ACBD6: variants seen among roughly 807,000 people sequenced by gnomAD.
The protein encoded by ACBD6 is acyl-CoA binding domain containing 6, also known as acyl-CoA-binding domain-containing protein 6.
A neutral mutation model predicts 37.2 loss-of-function variants in ACBD6; 28 were observed. That is an observed-to-expected ratio of 0.75 (90% confidence interval 0.56 to 1.03). The LOEUF is 1.03. Ranked by LOEUF, ACBD6 falls within the 50% of genes least tolerant of loss-of-function variation. The pLI is 0.00. For synonymous variants in ACBD6, 113 were observed against 126.8 expected (o/e 0.89, Z 0.73); for missense variants, 340 against 337.4 (o/e 1.01, Z -0.06).
At chr1:180,351,582 G>T (rs796898102) in intron 6 of ACBD6, among the ~76,000 whole-genome samples, 3 of 96,990 alleles carry the variant, frequency 3.1e-5, no homozygotes, top group African/African-American at 1.1e-4. Context: ...CCGATATTAC[G>T]TTTTTTTTTT....
chr1:180,400,916 A>G (rs2877415), intron 5 of ACBD6, among the ~76,000 whole-genome samples: 19,015 of 152,164 alleles, frequency 0.12, 1,711 homozygotes, highest in East Asian at 0.36. Context: ...CATTAAAGCT[A>G]TATCTTCTAA....
chr1:180,478,794 T>C (rs1650900828), intron 3 of ACBD6, among the ~76,000 whole-genome samples: 1 of 152,084 alleles, frequency 6.6e-6, no homozygotes, highest in African/African-American at 2.4e-5. Flanking sequence ...TATAAATCCC[T>C]TTTTTAAAAA....
chr1:180,398,059 TACAACAACAACA>T (rs10583778), intron 5 of ACBD6, among the ~76,000 whole-genome samples: 39 of 149,382 alleles, frequency 2.6e-4, no homozygotes, highest in African/African-American at 8.2e-4. Context: ...TCTCAAAAAC[TACAACAACAACA>T]ACAACAACAA....
chr1:180,501,774 T>C (rs1378547850), intron 1 of ACBD6, among the ~76,000 whole-genome samples: 1 of 152,114 alleles, frequency 6.6e-6, no homozygotes, highest in South Asian at 2.1e-4. Flanking sequence ...GCTGGTAAAA[T>C]GCAAGATCAC....
chr1:180,347,696 G>C (rs911128280), intron 6 of ACBD6, among the ~76,000 whole-genome samples: 4 of 152,172 alleles, frequency 2.6e-5, no homozygotes, highest in African/African-American at 9.7e-5. Context: ...TCTAGGCCGG[G>C]TGCGGTGGCT....
At chr1:180,357,225 G>A (rs1430932451) in intron 6 of ACBD6, among the ~76,000 whole-genome samples, 1 of 152,130 alleles carries the variant, frequency 6.6e-6, no homozygotes, top group Non-Finnish European at 1.5e-5. Context: ...CCTGAAATAA[G>A]TAAGGTAGGT....
chr1:180,475,964 A>T (rs1650763917), intron 3 of ACBD6, among the ~76,000 whole-genome samples: 1 of 152,168 alleles, frequency 6.6e-6, no homozygotes, highest in Non-Finnish European at 1.5e-5. Flanking sequence ...TTTGTTATTG[A>T]ATATATTAAA....
At chr1:180,384,371 G>A (rs889754164) in intron 6 of ACBD6, among the ~76,000 whole-genome samples, 1 of 152,000 alleles carries the variant, frequency 6.6e-6, no homozygotes, top group African/African-American at 2.4e-5. Flanking sequence ...CTCAAAAGTA[G>A]ACAAACAAAT....
chr1:180,404,992 A>G (rs1467265168), intron 5 of ACBD6, among the ~76,000 whole-genome samples: 1 of 152,224 alleles, frequency 6.6e-6, no homozygotes, highest in Non-Finnish European at 1.5e-5. Context: ...AAATAAGCGT[A>G]ATAGACAATT....
chr1:180,449,848 A>G (rs1166863753), intron 3 of ACBD6, among the ~76,000 whole-genome samples: 1 of 151,544 alleles, frequency 6.6e-6, no homozygotes, highest in African/African-American at 2.4e-5. Context: ...CCAACATGAC[A>G]CATGTTCACC....
At chr1:180,319,280 C>T (rs1420390685) in intron 6 of ACBD6, among the ~76,000 whole-genome samples, 1 of 152,176 alleles carries the variant, frequency 6.6e-6, no homozygotes, top group Non-Finnish European at 1.5e-5. Context: ...ATACTGTGTG[C>T]TCAATAAATG....
At chr1:180,277,525 T>G (rs1404554066) in intron 9 of ACBD6, 1 of 152,194 alleles carries the variant, frequency 6.6e-6, no homozygotes, top group Non-Finnish European at 1.5e-5. Context: ...GTAACTGGTA[T>G]AAGCAAAATG....
intron 2 of ACBD6, among the ~76,000 whole-genome samples, chr1:180,492,660 C>T (rs1417142346): frequency 1.3e-5 from 2 of 152,150 alleles, no homozygotes; most frequent in Non-Finnish European, 2.9e-5. Flanking sequence ...CCACAAACCA[C>T]TGTAATCTAA....
At chr1:180,452,887 A>T (rs1649769514) in intron 3 of ACBD6, among the ~76,000 whole-genome samples, 2 of 152,234 alleles carry the variant, frequency 1.3e-5, no homozygotes, top group African/African-American at 2.4e-5. Context: ...CCCTGAATAG[A>T]CCAATAACAA....
chr1:180,479,844 C>G (rs1362058635), intron 3 of ACBD6, among the ~76,000 whole-genome samples: 1 of 152,004 alleles, frequency 6.6e-6, no homozygotes, highest in Admixed American at 6.6e-5. Flanking sequence ...AAAAAACTAG[C>G]TGGGTGTGGT....
chr1:180,476,310 G>A, intron 3 of ACBD6, among the ~76,000 whole-genome samples: 1 of 152,044 alleles, frequency 6.6e-6, no homozygotes, highest in East Asian at 1.9e-4. Context: ...TCAGACCTTG[G>A]CAATGACCTT....
chr1:180,388,068 C>T (rs982982426), intron 6 of ACBD6, among the ~76,000 whole-genome samples: 7 of 151,012 alleles, frequency 4.6e-5, no homozygotes, highest in African/African-American at 1.2e-4. Context: ...CCCAGCTACT[C>T]GGGAGGCTGA....
At chr1:180,464,562 C>T (rs1045537317) in intron 3 of ACBD6, among the ~76,000 whole-genome samples, 7 of 152,140 alleles carry the variant, frequency 4.6e-5, no homozygotes, top group Non-Finnish European at 8.8e-5. Context: ...AAAAACACCC[C>T]ATGCTCATGG....
intron 6 of ACBD6, among the ~76,000 whole-genome samples, chr1:180,365,521 A>G (rs917165758): frequency 1.3e-5 from 2 of 152,202 alleles, no homozygotes; most frequent in African/African-American, 4.8e-5. Flanking sequence ...ATTTATCAAC[A>G]TCCTTTTTGA....
Sources: gnomAD v4.1 joint callset for allele counts (sites outside exome capture counted in the v4.1 genomes callset) on GRCh38, gnomAD v4.1.1 for gene constraint, MANE v1.5 for transcripts, NCBI Gene and HGNC (gene_info 2026-07-23, HGNC 2026-07-21) for gene names.